The following DENND1A variants were observed in gnomAD, a reference collection of about 807,000 sequenced individuals.
DENND1A encodes DENN domain-containing protein 1A.
A neutral mutation model predicts 113.7 loss-of-function variants in DENND1A; 51 were observed. The ratio of observed to expected loss-of-function variants is 0.45; its 90% CI spans 0.36 to 0.57. The LOEUF (loss-of-function observed/expected upper bound fraction) is 0.57, where lower values mean the gene tolerates loss of function less well. Among genes scored for constraint, DENND1A ranks in the 20% least tolerant of loss-of-function variants. The pLI is 0.00. For synonymous variants in DENND1A, 565 were observed against 570.8 expected (o/e 0.99, Z 0.14); for missense variants, 1,258 against 1,395.9 (o/e 0.90, Z 1.57).
intron 11 of DENND1A, among the ~76,000 whole-genome samples, chr9:123,603,491 A>T (rs1468324483): frequency 6.6e-6 from 1 of 152,166 alleles, no homozygotes; most frequent in Non-Finnish European, 1.5e-5. Flanking sequence ...GTATGTTTGA[A>T]AAACCAGGCT....
intron 13 of DENND1A, among the ~76,000 whole-genome samples, chr9:123,471,350 G>A (rs1332192544): frequency 6.6e-6 from 1 of 152,124 alleles, no homozygotes; most frequent in African/African-American, 2.4e-5. Flanking sequence ...ATTGACAATC[G>A]AGGCATGGAA....
intron 19 of DENND1A, among the ~76,000 whole-genome samples, chr9:123,423,349 G>A (rs1400134429): frequency 2.0e-5 from 3 of 152,222 alleles, no homozygotes; most frequent in African/African-American, 7.2e-5. Flanking sequence ...CCCTCTTCCT[G>A]TAGGTACAAC....
intron 13 of DENND1A, among the ~76,000 whole-genome samples, chr9:123,470,567 T>A (rs2049326536): frequency 6.6e-6 from 1 of 152,112 alleles, no homozygotes. Flanking sequence ...ACAGAATCTA[T>A]CTGAAACGCA....
intron 2 of DENND1A, among the ~76,000 whole-genome samples, chr9:123,817,032 C>T (rs1341292559): frequency 6.6e-6 from 1 of 152,152 alleles, no homozygotes; most frequent in Non-Finnish European, 1.5e-5. Flanking sequence ...GGCAGAATTC[C>T]ATGGGCTCCA....
intron 13 of DENND1A, among the ~76,000 whole-genome samples, chr9:123,504,823 C>T (rs2052778920): frequency 6.6e-6 from 1 of 152,152 alleles, no homozygotes; most frequent in Admixed American, 6.5e-5. Context: ...CCAATCAGGG[C>T]CTCACAATCC....
chr9:123,625,659 G>C (rs551564962), intron 10 of DENND1A, among the ~76,000 whole-genome samples: 3 of 152,286 alleles, frequency 2.0e-5, no homozygotes, highest in Admixed American at 1.3e-4. Flanking sequence ...CAGGAGAATC[G>C]CTTGAACCCA....
intron 5 of DENND1A, among the ~76,000 whole-genome samples, chr9:123,722,842 G>C (rs2067437400): frequency 6.6e-6 from 1 of 152,256 alleles, no homozygotes; most frequent in Non-Finnish European, 1.5e-5. Flanking sequence ...TGCTAGGGCA[G>C]TGCAGAAGGG....
chr9:123,778,561 C>T lies in DENND1A; in HGVS notation c.133-8998G>A, dbSNP rs550049333. ...GTAACTTATAACCTAAGGAAGGAGC[C>T]GGCAAACTTTTCTCAAAAGGGCCAG... On this transcript the variant is annotated intron_variant, in intron 3 of 23. Transcript: ENST00000394215. Among the ~76,000 whole-genome samples the T allele has an allele frequency of 6.6e-5, 10 of 152,254 alleles. No homozygotes were observed. The East Asian group carries it at 1.2e-3, about 18-fold the overall frequency.
rs575196846 is a variant in DENND1A at position 123,559,217 on chromosome 9, C to T, written c.868-1522G>A. Among the ~76,000 whole-genome samples the T allele has an allele frequency of 2.0e-5, 3 of 152,240 alleles. No homozygotes were observed. The South Asian group carries it at 6.2e-4, about 32-fold the overall frequency. ...GGTGGCGAAAATGAGGGGAATATGG[C>T]TTGAAATGAGGCTGGAGAGAAAGGC... On this transcript the variant is annotated intron_variant, in intron 12 of 23. Coordinates refer to ENST00000394215, the MANE Select transcript of DENND1A (RefSeq NM_001352964.2).
At chr9:123,829,412 A>T (rs1471850153) in intron 2 of DENND1A, among the ~76,000 whole-genome samples, 1 of 152,152 alleles carries the variant, frequency 6.6e-6, no homozygotes, top group Admixed American at 6.5e-5. Context: ...AAAGAAAAAA[A>T]TCATCTCCAA....
intron 13 of DENND1A, among the ~76,000 whole-genome samples, chr9:123,546,539 G>A (rs552442987): frequency 1.5e-4 from 23 of 149,884 alleles, no homozygotes; most frequent in Admixed American, 6.7e-4. Flanking sequence ...GTGACAGAGC[G>A]AGACTCCATC....
chr9:123,880,544 C>G (rs1340161415), intron 1 of DENND1A, among the ~76,000 whole-genome samples: 1 of 152,094 alleles, frequency 6.6e-6, no homozygotes, highest in Non-Finnish European at 1.5e-5. Flanking sequence ...TCTGAGTTGC[C>G]TAATCATCTC....
intron 5 of DENND1A, among the ~76,000 whole-genome samples, chr9:123,754,671 C>A (rs2070369005): frequency 6.6e-6 from 1 of 152,220 alleles, no homozygotes; most frequent in South Asian, 2.1e-4. Context: ...AGAACTGACA[C>A]ACAAATGAAT....
At chr9:123,728,564 A>C (rs2067922598) in intron 5 of DENND1A, among the ~76,000 whole-genome samples, 2 of 151,408 alleles carry the variant, frequency 1.3e-5, no homozygotes, top group Non-Finnish European at 2.9e-5. Flanking sequence ...CCAATGTCAA[A>C]CCAAATCACA....
At chr9:123,534,544 G>T (rs1041235533) in intron 13 of DENND1A, among the ~76,000 whole-genome samples, 1 of 152,114 alleles carries the variant, frequency 6.6e-6, no homozygotes, top group Non-Finnish European at 1.5e-5. Flanking sequence ...AACTTTATAA[G>T]ATAATGCCAA....
At chr9:123,547,313 T>C (rs1300683099) in intron 13 of DENND1A, among the ~76,000 whole-genome samples, 3 of 152,236 alleles carry the variant, frequency 2.0e-5, no homozygotes, top group Non-Finnish European at 4.4e-5. Flanking sequence ...GCAGATCACC[T>C]GAGGTTGGGA....
intron 11 of DENND1A, among the ~76,000 whole-genome samples, chr9:123,585,644 G>A (rs958079567): frequency 1.3e-5 from 2 of 152,140 alleles, no homozygotes; most frequent in African/African-American, 4.8e-5. Flanking sequence ...AGCATCAATG[G>A]CCCTCTTTTT....
chr9:123,453,655 A>G (rs892622522), intron 16 of DENND1A, among the ~76,000 whole-genome samples: 2 of 152,238 alleles, frequency 1.3e-5, no homozygotes, highest in Admixed American at 6.5e-5. Context: ...GGCTGGAACC[A>G]GTGGGTACCT....
At chr9:123,538,817 TA>T (rs1343660389) in intron 13 of DENND1A, among the ~76,000 whole-genome samples, 1 of 58,910 alleles carries the variant, frequency 1.7e-5, no homozygotes, top group African/African-American at 7.8e-5. Flanking sequence ...TACATATATA[TA>T]TATATATATA....
Sources: allele counts gnomAD v4.1 joint callset (sites outside exome capture counted in the v4.1 genomes callset), GRCh38; gene constraint gnomAD v4.1.1; transcripts MANE v1.5; gene names NCBI Gene and HGNC (gene_info 2026-07-23, HGNC 2026-07-21).